RYK: variants seen among roughly 807,000 people sequenced by gnomAD.
RYK encodes the protein receptor like tyrosine kinase.
Under a neutral mutation model 70.2 loss-of-function variants are expected in RYK, and 21 were observed. That is an observed-to-expected ratio of 0.30 (90% confidence interval 0.21 to 0.43). RYK has a LOEUF of 0.43. RYK is among the 20% of genes least tolerant of loss of function. The probability of loss-of-function intolerance (pLI) is 1.00; values close to 1 mark genes in which losing one functional copy is unlikely to be tolerated. For synonymous variants in RYK, 267 were observed against 278.0 expected (o/e 0.96, Z 0.39); for missense variants, 604 against 753.3 (o/e 0.80, Z 2.32).
At chr3:134,198,278 G>A (rs1322754981) in intron 6 of RYK, among the ~76,000 whole-genome samples, 1 of 152,060 alleles carries the variant, frequency 6.6e-6, no homozygotes, top group African/African-American at 2.4e-5. Context: ...CAGAACTTTG[G>A]GAAAGATCAT....
chr3:134,182,721 G>A (rs1162777897), intron 10 of RYK, among the ~76,000 whole-genome samples: 1 of 152,130 alleles, frequency 6.6e-6, no homozygotes, highest in Admixed American at 6.5e-5. Context: ...AAAGGGAAAT[G>A]TGCACATAAA....
intron 1 of RYK, among the ~76,000 whole-genome samples, chr3:134,229,332 A>G (rs911642784): frequency 1.9e-5 from 2 of 104,710 alleles, no homozygotes; most frequent in Non-Finnish European, 3.7e-5. Context: ...CTTTCCCCCA[A>G]CCCCTTCTGT....
At chr3:134,235,173 A>G (rs1446040087) in intron 1 of RYK, among the ~76,000 whole-genome samples, 1 of 152,196 alleles carries the variant, frequency 6.6e-6, no homozygotes. Flanking sequence ...TTTAAGTACC[A>G]TCTATCTCAA....
intron 1 of RYK, among the ~76,000 whole-genome samples, chr3:134,234,295 T>A (rs1317532600): frequency 6.6e-6 from 1 of 152,164 alleles, no homozygotes; most frequent in Non-Finnish European, 1.5e-5. Context: ...TGTAACGACA[T>A]TATCTTTGGT....
chr3:134,191,649 A>G (rs979805228), intron 8 of RYK, among the ~76,000 whole-genome samples, 200 bp downstream of exon 8: 6 of 152,242 alleles, frequency 3.9e-5, no homozygotes. Flanking sequence ...TTGAAAATCA[A>G]GAACTGCACC....
intron 1 of RYK, among the ~76,000 whole-genome samples, chr3:134,236,879 C>T (rs2015211304): frequency 6.6e-6 from 1 of 152,128 alleles, no homozygotes; most frequent in Non-Finnish European, 1.5e-5. Context: ...AGCATTTTGT[C>T]ATTAGAATGC....
At chr3:134,195,406 T>A (rs2013780591) in intron 6 of RYK, 2 of 404,452 alleles carry the variant, frequency 4.9e-6, no homozygotes, top group Non-Finnish European at 8.8e-6. Context: ...GTTCATCTTA[T>A]CAAAATTATT....
intron 2 of RYK, among the ~76,000 whole-genome samples, chr3:134,217,435 T>C (rs927890687): frequency 6.6e-6 from 1 of 152,196 alleles, no homozygotes; most frequent in Admixed American, 6.5e-5. Context: ...CTACTTCTCC[T>C]ACCTTAAGCA....
chr3:134,173,672 G>C (rs780738195), intron 13 of RYK, among the ~76,000 whole-genome samples: 1 of 152,080 alleles, frequency 6.6e-6, no homozygotes, highest in African/African-American at 2.4e-5. Flanking sequence ...CCTTGGTCTC[G>C]CCCTTGACGT....
At chr3:134,234,601 C>T (rs773742193) in intron 1 of RYK, among the ~76,000 whole-genome samples, 7 of 152,070 alleles carry the variant, frequency 4.6e-5, no homozygotes, top group Non-Finnish European at 1.0e-4. Context: ...GAAGAGGAAG[C>T]AGGCAAGGAA....
At chr3:134,221,952 C>CTG (rs1463114108) in intron 2 of RYK, among the ~76,000 whole-genome samples, 6 of 152,258 alleles carry the variant, frequency 3.9e-5, no homozygotes, top group African/African-American at 1.2e-4. Context: ...GTAAAGAAGC[C>CTG]TCACCACAGG....
chr3:134,158,193 C>T lies in RYK; in HGVS notation c.1784G>A (p.Cys595Tyr), dbSNP rs56149724. Residue 595 changes from cysteine (C) to tyrosine (Y), a missense_variant, in exon 15 of 15, where the codon TGC becomes TAC. By Grantham distance (194) the Cys-to-Tyr change is radical. This residue lies in a region of RYK where 138 missense variants were observed against 217.4 expected (regional missense o/e 0.63). Coordinates refer to ENST00000623711, the MANE Select transcript of RYK (RefSeq NM_002958.4). ...ERPKFQQLVQ[C>Y]LTEFHAALGA... ...CAGGGCTGCATGAAACTCTGTTAGG[C>T]ACTGTACCAGCTGCTGAAACTTGGG... 24 of 1,572,758 alleles carry T rather than the reference C, an allele frequency of 1.5e-5. No individual in the cohort carries two copies. The highest frequency in any genetic ancestry group is 2.0e-5 in the Non-Finnish European group (23 of 1,157,248).
At chr3:134,216,142 T>C (rs989661055) in intron 2 of RYK, among the ~76,000 whole-genome samples, 1 of 152,160 alleles carries the variant, frequency 6.6e-6, no homozygotes, top group Non-Finnish European at 1.5e-5. Flanking sequence ...ACATTTTTGC[T>C]TATGTTCCCT....
At chr3:134,204,995 G>C (rs1182686145) in intron 5 of RYK, among the ~76,000 whole-genome samples, 1 of 152,208 alleles carries the variant, frequency 6.6e-6, no homozygotes, top group Non-Finnish European at 1.5e-5. Flanking sequence ...CAGTGAAGAT[G>C]AGAAGTAAGT....
intron 1 of RYK, among the ~76,000 whole-genome samples, chr3:134,247,132 A>C (rs536156946): frequency 6.6e-6 from 1 of 152,262 alleles, no homozygotes; most frequent in African/African-American, 2.4e-5. Flanking sequence ...AAAAAAAATC[A>C]TAAGTCACTA....
chr3:134,172,315 T>C (rs1196789408), intron 13 of RYK, among the ~76,000 whole-genome samples: 1 of 152,208 alleles, frequency 6.6e-6, no homozygotes, highest in East Asian at 1.9e-4. Context: ...AGGAGTAAAT[T>C]TGAGATCACA....
At chr3:134,169,219 T>C (rs1473827569) in intron 13 of RYK, among the ~76,000 whole-genome samples, 1 of 152,172 alleles carries the variant, frequency 6.6e-6, no homozygotes, top group African/African-American at 2.4e-5. Context: ...AAACACAATG[T>C]AATACTATAA....
chr3:134,233,767 C>T (rs1490183681), intron 1 of RYK, among the ~76,000 whole-genome samples: 1 of 151,998 alleles, frequency 6.6e-6, no homozygotes, highest in Admixed American at 6.6e-5. Flanking sequence ...CTAAAAAACA[C>T]TGAAAAAAGA....
At chr3:134,229,955 CAACT>C (rs1463098651) in intron 1 of RYK, among the ~76,000 whole-genome samples, 2 of 152,124 alleles carry the variant, frequency 1.3e-5, no homozygotes, top group African/African-American at 4.8e-5. Flanking sequence ...AAAAAATGTT[CAACT>C]ACTTTGGAAA....
Sources: gnomAD v4.1 joint callset for allele counts (sites outside exome capture counted in the v4.1 genomes callset) on GRCh38, gnomAD v4.1.1 for gene constraint, gnomAD v4.1.1 regional missense constraint, MANE v1.5 for transcripts, NCBI Gene and HGNC (gene_info 2026-07-23, HGNC 2026-07-21) for gene names.